The following MALRD1 variants were observed in gnomAD, a reference collection of about 807,000 sequenced individuals.
The protein encoded by MALRD1 is MAM and LDL receptor class A domain containing 1.
Under a neutral mutation model 242.1 loss-of-function variants are expected in MALRD1, and 247 were observed. The observed-to-expected ratio is 1.02, with a 90% CI of 0.92 to 1.13. The LOEUF is 1.13. Among genes scored for constraint, MALRD1 ranks in the 50% most tolerant of loss-of-function variants. The pLI, the probability that MALRD1 is intolerant of heterozygous loss-of-function variation, is 0.00. For synonymous variants in MALRD1, 995 were observed against 866.6 expected, an observed-to-expected ratio of 1.15 and a Z score of -2.60; for missense variants, 2,989 against 2,533.1, an observed-to-expected ratio of 1.18 and a Z score of -3.86.
intron 36 of MALRD1, among the ~76,000 whole-genome samples, chr10:19,688,218 G>A (rs189535433): frequency 1.6e-3 from 244 of 152,194 alleles, no homozygotes; most frequent in African/African-American, 5.8e-3. Context: ...CGATGTGCCC[G>A]CCTTGGCCTC....
chr10:19,724,442 C>T (rs73597610), intron 38 of MALRD1, among the ~76,000 whole-genome samples: 239 of 152,286 alleles, frequency 1.6e-3, no homozygotes, highest in African/African-American at 5.6e-3. Context: ...AAGGACAGGC[C>T]TCTCAGCAGG....
intron 5 of MALRD1, among the ~76,000 whole-genome samples, chr10:19,115,910 T>A (rs1481856529): frequency 6.6e-6 from 1 of 152,120 alleles, no homozygotes; most frequent in Admixed American, 6.6e-5. Context: ...ACATATAAGC[T>A]ATTTTATTTA....
intron 18 of MALRD1, among the ~76,000 whole-genome samples, chr10:19,224,714 C>T (rs1020849406): frequency 1.3e-5 from 2 of 151,950 alleles, no homozygotes; most frequent in African/African-American, 2.4e-5. Context: ...TGTTTAAGTT[C>T]CTTGTAGATT....
At chr10:19,513,469 G>A (rs1044179563) in intron 31 of MALRD1, among the ~76,000 whole-genome samples, 5 of 150,920 alleles carry the variant, frequency 3.3e-5, no homozygotes, top group African/African-American at 1.2e-4. Flanking sequence ...GCCGGGCGTG[G>A]TGGCTCACGC....
chr10:19,672,962 A>C (rs760243391), intron 36 of MALRD1, among the ~76,000 whole-genome samples: 8 of 152,174 alleles, frequency 5.3e-5, no homozygotes, highest in Non-Finnish European at 1.2e-4. Context: ...GAGTTTGAGG[A>C]AATTCTTAAG....
At chr10:19,236,844 G>C (rs1838342411) in intron 18 of MALRD1, among the ~76,000 whole-genome samples, 2 of 151,970 alleles carry the variant, frequency 1.3e-5, no homozygotes, top group Admixed American at 6.6e-5. Flanking sequence ...TATTTCAGTA[G>C]TATAGCTAGG....
intron 14 of MALRD1, among the ~76,000 whole-genome samples, chr10:19,188,624 T>G (rs10740850): frequency 0.43 from 64,997 of 151,590 alleles, 14,268 homozygotes; most frequent in Admixed American, 0.5. Context: ...TCTACGGAGC[T>G]ACCTTGTTTA....
intron 25 of MALRD1, among the ~76,000 whole-genome samples, chr10:19,349,684 G>A (rs1844288163): frequency 6.6e-6 from 1 of 151,692 alleles, no homozygotes; most frequent in African/African-American, 2.4e-5. Context: ...CTCTATGTTG[G>A]GTATATATCT....
Position 19,324,039 on chromosome 10 carries a change from C to G in MALRD1, c.3510C>G (p.Leu1170=). The change falls in exon 22 of 40, where the codon CTC becomes CTG. Residue 1170 remains leucine, a synonymous_variant. Coordinates refer to ENST00000454679, the MANE Select transcript of MALRD1 (RefSeq NM_001142308.3). The stretch of plus-strand genomic sequence containing the variant: ...ACATTCTCACTCCTATCATTTCACT[C>G]ACGGGACCAAAATGTACCTTGGTGT... The part of the protein sequence containing the change: ...TADILTPIIS[L]TGPKCTLVFW... The G allele has an allele frequency of 1.3e-6, 2 of 1,550,740 alleles. No individual in the cohort carries two copies. Among genetic ancestry groups the G allele is most frequent in the Non-Finnish European group, 1.7e-6 (2 of 1,146,922 alleles).
chr10:19,274,910 C>G (rs1840434848), intron 19 of MALRD1, among the ~76,000 whole-genome samples: 1 of 152,038 alleles, frequency 6.6e-6, no homozygotes, highest in Non-Finnish European at 1.5e-5. Flanking sequence ...TGTTGTACAA[C>G]CTTGTGAATA....
At chr10:19,667,190 C>G (rs1227142729) in intron 36 of MALRD1, among the ~76,000 whole-genome samples, 1 of 152,106 alleles carries the variant, frequency 6.6e-6, no homozygotes, top group Non-Finnish European at 1.5e-5. Flanking sequence ...GGTTCTGTGG[C>G]TCACACCTAT....
intron 39 of MALRD1, among the ~76,000 whole-genome samples, chr10:19,732,620 C>T (rs1835342366): frequency 6.6e-6 from 1 of 152,184 alleles, no homozygotes; most frequent in Non-Finnish European, 1.5e-5. Flanking sequence ...CTGAAAGGTA[C>T]ACATGAGATA....
chr10:19,147,885 T>C (rs994190328), intron 11 of MALRD1, among the ~76,000 whole-genome samples: 1 of 152,080 alleles, frequency 6.6e-6, no homozygotes, highest in Non-Finnish European at 1.5e-5. Flanking sequence ...CATGTCCTAA[T>C]TGGAGGGAAG....
chr10:19,448,617 G>A (rs1054919492), intron 28 of MALRD1, among the ~76,000 whole-genome samples: 3 of 151,976 alleles, frequency 2.0e-5, no homozygotes, highest in Non-Finnish European at 4.4e-5. Flanking sequence ...GGGATTATAT[G>A]TCATTTTATG....
chr10:19,228,462 GA>G (rs1837893654), intron 18 of MALRD1, among the ~76,000 whole-genome samples: 1 of 152,190 alleles, frequency 6.6e-6, no homozygotes, highest in Non-Finnish European at 1.5e-5. Context: ...TCTTGATCAT[GA>G]TTGTGGTCAA....
chr10:19,145,224 T>G (rs2131437293), intron 10 of MALRD1, among the ~76,000 whole-genome samples: 1 of 152,314 alleles, frequency 6.6e-6, no homozygotes, highest in East Asian at 1.9e-4. Flanking sequence ...CTCATAAATT[T>G]GGTGTCAAAG....
At chr10:19,263,794 T>A (rs1238924728) in intron 19 of MALRD1, among the ~76,000 whole-genome samples, 3 of 152,210 alleles carry the variant, frequency 2.0e-5, no homozygotes, top group Non-Finnish European at 4.4e-5. Context: ...TTGGTCCATG[T>A]TTCTGCTTTT....
intron 4 of MALRD1, 96 bp downstream of exon 4, chr10:19,088,281 T>C (rs1349654347): frequency 9.0e-7 from 1 of 1,112,616 alleles, no homozygotes; most frequent in African/African-American, 1.6e-5. Flanking sequence ...CTGTCCCAGT[T>C]TGCCAGGGAC....
At chr10:19,670,066 GCACA>G (rs3071775) in intron 36 of MALRD1, among the ~76,000 whole-genome samples, 8,816 of 148,302 alleles carry the variant, frequency 0.059, 756 homozygotes, top group African/African-American at 0.19. Flanking sequence ...CCTCGCACGT[GCACA>G]CACACACACA....
Sources: gnomAD v4.1 joint callset for allele counts (sites outside exome capture counted in the v4.1 genomes callset) on GRCh38, gnomAD v4.1.1 for gene constraint, MANE v1.5 for transcripts, NCBI Gene and HGNC (gene_info 2026-07-23, HGNC 2026-07-21) for gene names.